The following OGDHL variants were observed in gnomAD, a reference collection of about 807,000 sequenced individuals.
OGDHL encodes the protein oxoglutarate dehydrogenase L.
A neutral mutation model predicts 109.6 loss-of-function variants in OGDHL; 79 were observed. That is an observed-to-expected ratio of 0.72 (90% CI 0.60 to 0.87). The LOEUF is 0.87. OGDHL is among the 40% of genes least tolerant of loss of function. The pLI is 0.00. For missense variants in OGDHL, 1,275 were observed against 1,362.2 expected (o/e 0.94, Z 1.01); for synonymous variants, 528 against 537.2 (o/e 0.98, Z 0.24).
intron 12 of OGDHL, among the ~76,000 whole-genome samples, chr10:49,744,986 G>C (rs1203978839): frequency 1.3e-5 from 2 of 152,230 alleles, no homozygotes; most frequent in South Asian, 2.1e-4. Flanking sequence ...CTTGGAGAAG[G>C]CTCTGGAAAC....
At chr10:49,744,360 A>C (rs568168936) in intron 13 of OGDHL, among the ~76,000 whole-genome samples, 102 of 152,086 alleles carry the variant, frequency 6.7e-4, no homozygotes, top group African/African-American at 2.3e-3. Context: ...CCTGCCCCCC[A>C]GGGAGGCCCT....
chr10:49,748,832 G>C lies in OGDHL; in HGVS notation c.987+894C>G, dbSNP rs372457490. On this transcript the variant is annotated intron_variant, in intron 8 of 22. Transcript: ENST00000374103. ...GGAGAGATAGTCCTGAGGGCAAAGGGACACAGAGGAGGGAGTGACAGGCTC... is the reference window on the plus strand; with the variant it reads ...GGAGAGATAGTCCTGAGGGCAAAGGCACACAGAGGAGGGAGTGACAGGCTC... Among the ~76,000 whole-genome samples the C allele has an allele frequency of 2.0e-4, 31 of 152,044 alleles. No individual in the cohort carries two copies. In the South Asian group the frequency reaches 6.0e-3, roughly 30 times the overall value.
At chr10:49,741,033 C>CACCAGGCCTCCCCAGCCTGCCCCCT (rs1319118718) in intron 15 of OGDHL, among the ~76,000 whole-genome samples, 196 bp from the exon 16 acceptor site, 2 of 152,110 alleles carry the variant, frequency 1.3e-5, no homozygotes, top group Non-Finnish European at 2.9e-5. Flanking sequence ...GCCTGTCCCC[C>CACCAGGCCTCCCCAGCCTGCCCCCT]ACCAGGCCTC....
Position 49,752,719 on chromosome 10 carries a change from G to A in OGDHL, c.397C>T (p.Gln133Ter). ...AYQIRGHHVAQLDPLGILDAD... is the reference protein window; with the variant it reads ...AYQIRGHHVA Reference sequence around the variant, plus strand: ...TCCAGAATGCCCAGGGGGTCCAGCTGGGCCACATGGTGACCCCGGATCTGG... The same window carrying A: ...TCCAGAATGCCCAGGGGGTCCAGCTAGGCCACATGGTGACCCCGGATCTGG... The change falls in exon 4 of 23, where the codon CAG becomes TAG. Residue 133 changes from glutamine to a stop codon, truncating the protein, a stop_gained. Transcript: ENST00000374103. LOFTEE classifies it high-confidence loss of function. 6.2e-7 allele frequency: 1 copy of A among 1,614,138 alleles called. No individual in the cohort carries two copies. Among genetic ancestry groups the A allele is most frequent in the Non-Finnish European group, 8.5e-7 (1 of 1,179,990 alleles).
intron 15 of OGDHL, among the ~76,000 whole-genome samples, chr10:49,741,479 G>A (rs1462298351): frequency 6.6e-6 from 1 of 152,062 alleles, no homozygotes; most frequent in East Asian, 1.9e-4. Flanking sequence ...CACCACCCTG[G>A]CTTGCTAACC....
At chr10:49,738,159 G>A (rs763232898) in intron 18 of OGDHL, 32 bp downstream of exon 18, 20 of 1,613,990 alleles carry the variant, frequency 1.2e-5, no homozygotes, top group Middle Eastern at 3.3e-4. Flanking sequence ...AATAGGGCGC[G>A]TCCCTGTCCT....
At chr10:49,744,873 G>T in intron 12 of OGDHL, 121 bp from the exon 13 acceptor site, 1 of 773,696 alleles carries the variant, frequency 1.3e-6, no homozygotes, top group Non-Finnish European at 2.2e-6. Flanking sequence ...CTCTGTCTCT[G>T]GCCTATAGGG....
chr10:49,740,442 C>T (rs991388002), intron 16 of OGDHL, among the ~76,000 whole-genome samples: 8 of 152,064 alleles, frequency 5.3e-5, no homozygotes, highest in East Asian at 1.9e-4. Context: ...TCTCTGTCTG[C>T]GCCCACTGGG....
intron 8 of OGDHL, among the ~76,000 whole-genome samples, chr10:49,749,182 CT>C (rs1590736862): frequency 6.6e-6 from 1 of 152,172 alleles, no homozygotes; most frequent in East Asian, 1.9e-4. Flanking sequence ...GCACTCCAGC[CT>C]GGGCAACAAG....
At position 49,742,104 on chromosome 10, in the gene OGDHL, C is replaced by T. The variant is rs1021588091; in HGVS notation, c.2012+724G>A. On this transcript the variant is annotated intron_variant, in intron 15 of 22. Transcript: ENST00000374103. The stretch of plus-strand genomic sequence containing the variant: ...CACACATACCACACAAACACCCTCA[C>T]ACACATTACACACATACACACCCTA... Among the ~76,000 whole-genome samples, 533 of 114,360 alleles carry T rather than the reference C, an allele frequency of 4.7e-3. 3 individuals carry two copies. Among genetic ancestry groups the T allele is most frequent in the Non-Finnish European group, 6.7e-3 (365 of 54,822 alleles). The allele number at this position is 114,360 out of a possible 152,430, so 75.0% of individuals were successfully genotyped here.
At position 49,746,747 on chromosome 10, in the gene OGDHL, C is replaced by T; in HGVS notation, c.1296+3G>A. 6.2e-7 allele frequency: 1 copy of T among 1,613,994 alleles called. No homozygotes were observed. The highest frequency in any genetic ancestry group is 1.3e-5 in the African/African-American group (1 of 75,066). ...AGGCCCAGCGTGGAGCCTACATGCT[C>T]ACCTGGTTGTTGACGACGACGTGCA... On this transcript the variant is annotated splice_donor_region_variant and intron_variant, in intron 10 of 22. Coordinates refer to ENST00000374103, the MANE Select transcript of OGDHL (RefSeq NM_018245.3).
chr10:49,744,015 C>T lies in OGDHL; in HGVS notation c.1840G>A (p.Glu614Lys), dbSNP rs747791662. The T allele has an allele frequency of 1.6e-5, 26 of 1,613,892 alleles. No individual in the cohort carries two copies. The highest frequency in any genetic ancestry group is 2.2e-5 in the East Asian group (1 of 44,888). ...TCACCAGTGTGGATCTTAAAGTCCTCCAGGGGCACAGAGCTGGCCACACTG... is the reference window on the plus strand; with the variant it reads ...TCACCAGTGTGGATCTTAAAGTCCTTCAGGGGCACAGAGCTGGCCACACTG... ...IGSVASSVPL[E>K]DFKIHTGLSR... is the part of the protein sequence containing the mutation. The change falls in exon 14 of 23, where the codon GAG (glutamate) becomes AAG (lysine). Residue 614 changes from glutamate (E) to lysine (K), a missense_variant. By Grantham distance (56) the Glu-to-Lys change is moderately conservative. Coordinates refer to ENST00000374103, the MANE Select transcript of OGDHL (RefSeq NM_018245.3).
intron 2 of OGDHL, among the ~76,000 whole-genome samples, chr10:49,757,641 C>T (rs1842996178): frequency 6.6e-6 from 1 of 152,196 alleles, no homozygotes; most frequent in African/African-American, 2.4e-5. Flanking sequence ...AGGGGTGGCA[C>T]ATACATGCAA....
chr10:49,745,588 ACCCACTGGGAG>A (rs2133026843), intron 11 of OGDHL, 92 bp from the exon 12 acceptor site: 1 of 1,505,418 alleles, frequency 6.6e-7, no homozygotes, highest in South Asian at 1.2e-5. Flanking sequence ...GGTAGGGCAC[ACCCACTGGGAG>A]CCCTTTGAGC....
At chr10:49,744,985 G>A (rs1309611722) in intron 12 of OGDHL, among the ~76,000 whole-genome samples, 1 of 152,226 alleles carries the variant, frequency 6.6e-6, no homozygotes, top group South Asian at 2.1e-4. Flanking sequence ...GCTTGGAGAA[G>A]GCTCTGGAAA....
Position 49,752,232 on chromosome 10 carries a change from C to CT in OGDHL, c.494dup (p.Glu166GlyfsTer3). The CT allele has an allele frequency of 1.2e-6, 2 of 1,613,982 alleles. No individual in the cohort carries two copies. The highest frequency in any genetic ancestry group is 3.3e-5 in the Admixed American group (2 of 60,026). On this transcript the variant is annotated frameshift_variant, in exon 5 of 23. Coordinates refer to ENST00000374103, the MANE Select transcript of OGDHL (RefSeq NM_018245.3). LOFTEE classifies it high-confidence loss of function. Reference sequence around the variant, plus strand: ...GGAACTCCTTATCAAGGTCAGCCTCCTGAAGGTCATAGAAGGCTGGAGAAG... The same window carrying CT: ...GGAACTCCTTATCAAGGTCAGCCTCCTTGAAGGTCATAGAAGGCTGGAGAAG...
chr10:49,745,944 A>G lies in OGDHL; in HGVS notation c.1330T>C (p.Ser444Pro). 6.2e-7 allele frequency: 1 copy of G among 1,614,178 alleles called. No individual in the cohort carries two copies. The highest frequency in any genetic ancestry group is 8.5e-7 in the Non-Finnish European group (1 of 1,180,014). The change falls in exon 11 of 23, where the codon TCC becomes CCC. Residue 444 changes from serine (S) to proline (P), a missense_variant. Coordinates refer to ENST00000374103, the MANE Select transcript of OGDHL (RefSeq NM_018245.3). ...GCCACGTCGGTCGGGTATGGTGAGGAGCGGGCCATTCGGGGGTCTGTGGTG... is the reference window on the plus strand; with the variant it reads ...GCCACGTCGGTCGGGTATGGTGAGGGGCGGGCCATTCGGGGGTCTGTGGTG... ...GFTTDPRMAR[S>P]SPYPTDVARV...
intron 1 of OGDHL, among the ~76,000 whole-genome samples, chr10:49,759,468 A>T (rs1454542229): frequency 2.0e-5 from 3 of 151,924 alleles, no homozygotes; most frequent in African/African-American, 7.3e-5. Context: ...AAAATATCTA[A>T]ATCTTGGGCT....
intron 15 of OGDHL, among the ~76,000 whole-genome samples, chr10:49,742,162 C>T (rs1289177174): frequency 3.6e-5 from 5 of 138,226 alleles, no homozygotes; most frequent in African/African-American, 8.3e-5. Flanking sequence ...ACATCACACA[C>T]ACCATACACG....
Sources: gnomAD v4.1 joint callset for allele counts (sites outside exome capture counted in the v4.1 genomes callset) on GRCh38, gnomAD v4.1.1 for gene constraint, MANE v1.5 for transcripts, NCBI Gene and HGNC (gene_info 2026-07-23, HGNC 2026-07-21) for gene names.